Variants in FRAS1 observed in about 807,000 individuals in gnomAD.
FRAS1 encodes extracellular matrix organizing protein FRAS1.
FRAS1 carries 290 observed loss-of-function variants against 435.2 expected under a neutral mutation model. The ratio of observed to expected loss-of-function variants is 0.67; its 90% CI spans 0.61 to 0.73. The LOEUF (loss-of-function observed/expected upper bound fraction) is 0.73. FRAS1 is among the 30% of genes least tolerant of loss of function. The probability of loss-of-function intolerance (pLI) is 0.00; values close to 1 mark genes in which losing one functional copy is unlikely to be tolerated. For missense variants in FRAS1, 4,860 were observed against 5,001.5 expected (o/e 0.97, Z 0.85); for synonymous variants, 1,800 against 1,851.0 (o/e 0.97, Z 0.71).
In FRAS1 at chr4:78,450,114, T is replaced by C. The variant is rs1022808819; in HGVS notation, c.6275-37T>C. ...TTTGACATCCCGTTCAAAGGAAATGTTGGGGAATAACCTACTCTCTTCCGT... is the reference window on the plus strand; with the variant it reads ...TTTGACATCCCGTTCAAAGGAAATGCTGGGGAATAACCTACTCTCTTCCGT... On this transcript the variant is annotated intron_variant, in intron 44 of 73. Transcript: ENST00000512123. 14 of 1,535,602 alleles carry C rather than the reference T, an allele frequency of 9.1e-6. No homozygotes were observed. The Admixed American group carries it at 2.4e-4, about 26-fold the overall frequency.
At chr4:78,235,846 G>C (rs1724732242) in intron 2 of FRAS1, among the ~76,000 whole-genome samples, 1 of 152,222 alleles carries the variant, frequency 6.6e-6, no homozygotes, top group African/African-American at 2.4e-5. Context: ...CTACTTGGGA[G>C]GCTGAGGTGG....
intron 2 of FRAS1, among the ~76,000 whole-genome samples, chr4:78,094,891 A>C (rs1204054258): frequency 6.6e-6 from 1 of 152,132 alleles, no homozygotes; most frequent in African/African-American, 2.4e-5. Flanking sequence ...TGGGGGTAAT[A>C]ATGGTGCTTA....
chr4:78,094,104 G>GTTTTT (rs71214395), intron 2 of FRAS1, among the ~76,000 whole-genome samples: 12 of 106,634 alleles, frequency 1.1e-4, no homozygotes, highest in African/African-American at 3.4e-4. Context: ...GAATAACCAA[G>GTTTTT]TTTTTTTTTT....
intron 2 of FRAS1, among the ~76,000 whole-genome samples, chr4:78,234,477 G>A (rs1578199116): frequency 6.6e-6 from 1 of 152,044 alleles, no homozygotes; most frequent in South Asian, 2.1e-4. Context: ...CACCCGCCTC[G>A]GCCCCCGAAA....
chr4:78,387,590 T>C lies in FRAS1; in HGVS notation c.3864T>C (p.Leu1288=). Residue 1288 remains leucine (L), a synonymous_variant, in exon 29 of 74, where the codon CTT becomes CTC. Coordinates refer to ENST00000512123, the MANE Select transcript of FRAS1 (RefSeq NM_025074.7). ...QFQLDELSRG[L]LHYAHDGSDS... is the part of the protein sequence containing the mutation. Reference sequence around the variant, plus strand: ...AGCTGGATGAACTCTCTAGAGGCCTTCTCCACTATGCTCATGATGGTTCAG... The same window carrying C: ...AGCTGGATGAACTCTCTAGAGGCCTCCTCCACTATGCTCATGATGGTTCAG... 6.2e-7 allele frequency: 1 copy of C among 1,613,758 alleles called. No individual in the cohort carries two copies. The highest frequency in any genetic ancestry group is 8.5e-7 in the Non-Finnish European group (1 of 1,179,786).
intron 2 of FRAS1, among the ~76,000 whole-genome samples, chr4:78,161,768 A>AAAAAAAAAAAG (rs1553925507): frequency 1.4e-5 from 2 of 140,666 alleles, no homozygotes; most frequent in African/African-American, 5.7e-5. Flanking sequence ...AAAAAAAAAA[A>AAAAAAAAAAAG]AAAAGAAAAG....
chr4:78,117,460 C>T (rs1028183923), intron 2 of FRAS1, among the ~76,000 whole-genome samples: 4 of 152,210 alleles, frequency 2.6e-5, no homozygotes, highest in African/African-American at 9.6e-5. Context: ...CTGTCACTTT[C>T]AGATACACCA....
chr4:78,486,603 A>G (rs766739108), intron 58 of FRAS1, among the ~76,000 whole-genome samples: 4 of 152,160 alleles, frequency 2.6e-5, no homozygotes, highest in Non-Finnish European at 4.4e-5. Context: ...ATACTGCCTT[A>G]TGGGGTTGGT....
intron 2 of FRAS1, among the ~76,000 whole-genome samples, chr4:78,233,133 A>T (rs1377540465): frequency 1.3e-5 from 2 of 152,220 alleles, no homozygotes; most frequent in Non-Finnish European, 2.9e-5. Context: ...TCACTGTCAA[A>T]ATAATTGAAG....
intron 9 of FRAS1, 51 bp from the exon 10 acceptor site, chr4:78,278,604 T>C: frequency 9.7e-7 from 1 of 1,031,628 alleles, no homozygotes; most frequent in Non-Finnish European, 1.5e-6. Flanking sequence ...TTAGCCCTGC[T>C]ACCTGGAGAT....
At chr4:78,125,560 C>T (rs1327833756) in intron 2 of FRAS1, among the ~76,000 whole-genome samples, 2 of 152,046 alleles carry the variant, frequency 1.3e-5, no homozygotes, top group Non-Finnish European at 2.9e-5. Flanking sequence ...TTTTCTCTTT[C>T]GTTGATCTGT....
At chr4:78,295,813 T>G (rs1299221733) in intron 14 of FRAS1, among the ~76,000 whole-genome samples, 3 of 151,954 alleles carry the variant, frequency 2.0e-5, no homozygotes, top group Non-Finnish European at 2.9e-5. Context: ...GGCGCAATCT[T>G]GGCTCACTGT....
At chr4:78,409,658 A>C (rs913905793) in intron 31 of FRAS1, among the ~76,000 whole-genome samples, 1 of 152,228 alleles carries the variant, frequency 6.6e-6, no homozygotes, top group African/African-American at 2.4e-5. Context: ...AATACAAAAG[A>C]ATAAGGAATT....
chr4:78,166,360 A>G (rs1234853632), intron 2 of FRAS1, among the ~76,000 whole-genome samples: 1 of 152,166 alleles, frequency 6.6e-6, no homozygotes, highest in Admixed American at 6.5e-5. Flanking sequence ...AGAGACAAAT[A>G]TGGTCTGGAA....
At chr4:78,308,441 C>A (rs139078775) in intron 15 of FRAS1, among the ~76,000 whole-genome samples, 38 of 152,186 alleles carry the variant, frequency 2.5e-4, no homozygotes, top group Admixed American at 2.0e-3. Flanking sequence ...AGCCTTGTCC[C>A]GCAGATGAAG....
chr4:78,145,841 A>G (rs1171100782), intron 2 of FRAS1, among the ~76,000 whole-genome samples: 2 of 152,028 alleles, frequency 1.3e-5, no homozygotes, highest in African/African-American at 4.8e-5. Context: ...GGTTTCCCCC[A>G]TTCTGTTCTT....
In FRAS1 at chr4:78,466,183, C is replaced by T. The variant is rs758564542; in HGVS notation, c.7030-25C>T. 14 of 1,604,210 alleles carry T rather than the reference C, an allele frequency of 8.7e-6. 1 individual carries two copies. The South Asian group carries it at 1.5e-4, about 18-fold the overall frequency. On this transcript the variant is annotated intron_variant, in intron 49 of 73. Coordinates refer to ENST00000512123, the MANE Select transcript of FRAS1 (RefSeq NM_025074.7). ...GGTTTCTGTTATGAGCTTCCCTCCC[C>T]TCTGGTATTTTGCCTTCCGGACAGG...
chr4:78,450,221 G>A lies in FRAS1; in HGVS notation c.6345G>A (p.Met2115Ile). ...TDIDSDDHQV[M>I]YIMKEDPGAG... ...TTGACTCAGATGACCATCAGGTTAT[G>A]TACATCATGAAGGAAGATCCTGGTG... The change falls in exon 45 of 74, where the codon ATG becomes ATA. Residue 2115 changes from methionine to isoleucine, a missense_variant. Transcript: ENST00000512123. 6.2e-7 allele frequency: 1 copy of A among 1,613,726 alleles called. No individual in the cohort carries two copies. The highest frequency in any genetic ancestry group is 8.5e-7 in the Non-Finnish European group (1 of 1,179,708).
intron 2 of FRAS1, among the ~76,000 whole-genome samples, chr4:78,096,715 C>T (rs562686665): frequency 6.6e-5 from 10 of 152,206 alleles, no homozygotes; most frequent in Non-Finnish European, 1.0e-4. Flanking sequence ...AGAGGCAGGG[C>T]ACCAAATCCC....
Sources: gnomAD v4.1 joint callset for allele counts (sites outside exome capture counted in the v4.1 genomes callset) on GRCh38, gnomAD v4.1.1 for gene constraint, MANE v1.5 for transcripts, NCBI Gene and HGNC (gene_info 2026-07-23, HGNC 2026-07-21) for gene names.